The following STRA6 variants were observed in gnomAD, a reference collection of about 807,000 sequenced individuals.
The protein encoded by STRA6 is signaling receptor and transporter of retinol STRA6, also known as receptor for retinol uptake STRA6.
STRA6 carries 48 observed loss-of-function variants against 83.6 expected under a neutral mutation model. That is an observed-to-expected ratio of 0.57 (90% CI 0.46 to 0.73). The LOEUF is 0.73. Among genes scored for constraint, STRA6 ranks in the 30% least tolerant of loss-of-function variants. The pLI is 0.00. For missense variants in STRA6, 760 were observed against 838.8 expected, an observed-to-expected ratio of 0.91 and a Z score of 1.16; for synonymous variants, 353 against 362.3, an observed-to-expected ratio of 0.97 and a Z score of 0.29.
At chr15:74,211,612 C>T (rs2074369786), upstream of STRA6, among the ~76,000 whole-genome samples, 1 of 152,088 alleles carries the variant, frequency 6.6e-6, no homozygotes. Flanking sequence ...CCATGTTGGT[C>T]AGGCTGGTCT....
intron 14 of STRA6, chr15:74,183,552 A>T: frequency 4.9e-6 from 6 of 1,235,530 alleles, no homozygotes; most frequent in Non-Finnish European, 6.2e-6. Context: ...CCAGGAATGT[A>T]CCATTTTGAA....
upstream of STRA6, chr15:74,209,669 G>A: frequency 1.8e-6 from 1 of 546,448 alleles, no homozygotes; most frequent in African/African-American, 1.9e-5. Context: ...CTCCAACGCT[G>A]CTGGACAGTC....
chr15:74,185,097 G>A (rs1028629409), intron 12 of STRA6, 42 bp from the exon 13 acceptor site: 1 of 1,603,162 alleles, frequency 6.2e-7, no homozygotes, highest in Non-Finnish European at 8.5e-7. Flanking sequence ...TCAGGGTCTG[G>A]AGAGTCTCCT....
In STRA6 at chr15:74,194,792, G is replaced by A. The variant is rs2142048275; in HGVS notation, c.597+510C>T. ...AGCTGGATTCACACTCAGGTTGTCT[G>A]GCTCTAAAGCCTGTACCATCACTCT... is the stretch of plus-strand genomic sequence containing the variant. On this transcript the variant is annotated intron_variant, in intron 7 of 18. Transcript: ENST00000395105. 3.1e-6 allele frequency: 4 copies of A among 1,277,586 alleles called. No individual in the cohort carries two copies. The South Asian group carries it at 1.0e-4, about 33-fold the overall frequency. The allele number at this position is 1,277,586 out of a possible 1,614,324, so 79.1% of individuals were successfully genotyped here. A position where few individuals can be genotyped will look rare whatever the true frequency, so the allele number is the denominator to read the frequency against.
upstream of STRA6, chr15:74,203,097 G>C: frequency 2.0e-6 from 2 of 985,564 alleles, no homozygotes; most frequent in Non-Finnish European, 2.4e-6. Context: ...AGCAACAACC[G>C]AGTGAGACGG....
At chr15:74,210,877 G>C (rs2074357269), upstream of STRA6, among the ~76,000 whole-genome samples, 1 of 152,124 alleles carries the variant, frequency 6.6e-6, no homozygotes, top group Non-Finnish European at 1.5e-5. Flanking sequence ...CTTCTAGCTG[G>C]GTGAAAAACA....
upstream of STRA6, among the ~76,000 whole-genome samples, chr15:74,203,915 G>T (rs1247410174): frequency 6.6e-6 from 1 of 152,106 alleles, no homozygotes; most frequent in Admixed American, 6.5e-5. Context: ...GGGGATGGGG[G>T]TGGGGGAAAG....
intron 1 of STRA6, chr15:74,208,692 C>G: frequency 1.0e-6 from 1 of 986,702 alleles, no homozygotes. Flanking sequence ...CTTCCTGCCC[C>G]TAGGCTCTGA....
chr15:74,183,695 G>T (rs2073101413), intron 14 of STRA6, 161 bp downstream of exon 14: 9 of 1,570,914 alleles, frequency 5.7e-6, no homozygotes, highest in Non-Finnish European at 7.7e-6. Context: ...CTTCTTAAGG[G>T]CAGGGAAGGC....
chr15:74,192,421 G>A (rs2073593579), intron 8 of STRA6, among the ~76,000 whole-genome samples: 2 of 152,196 alleles, frequency 1.3e-5, no homozygotes, highest in Non-Finnish European at 2.9e-5. Context: ...TGGGAGCCGA[G>A]TCTGGAGTCC....
At chr15:74,208,953 A>T (rs1241798683) in exon 1 of STRA6, 1 of 1,001,978 alleles carries the variant, frequency 1.0e-6, no homozygotes, top group African/African-American at 1.7e-5. Context: ...GGGATCCTAG[A>T]GGGGTGGCTG....
chr15:74,206,750 T>C (rs1476695168), upstream of STRA6, among the ~76,000 whole-genome samples: 1 of 152,190 alleles, frequency 6.6e-6, no homozygotes, highest in Non-Finnish European at 1.5e-5. Flanking sequence ...CAAGAATGAA[T>C]TGACACGTGT....
chr15:74,203,236 C>G (rs2074166472), upstream of STRA6: 6 of 984,188 alleles, frequency 6.1e-6, no homozygotes, highest in Non-Finnish European at 7.2e-6. Flanking sequence ...GTTGATTTCA[C>G]AAGGAGATAA....
At chr15:74,198,029 C>T (rs2073900523) in intron 2 of STRA6, among the ~76,000 whole-genome samples, 2 of 152,232 alleles carry the variant, frequency 1.3e-5, no homozygotes, top group Middle Eastern at 6.8e-3. Context: ...ATGCCAAGCT[C>T]TGGGGTTATA....
chr15:74,196,306 G>T lies in STRA6; in HGVS notation c.267-159C>A, dbSNP rs192681325. On this transcript the variant is annotated intron_variant, in intron 4 of 18. Coordinates refer to ENST00000395105, the MANE Select transcript of STRA6 (RefSeq NM_022369.4). The stretch of plus-strand genomic sequence containing the variant: ...TTCATTCATTCCATAGATATTTGTG[G>T]AGTGCCTCTTATCTACCAAGCTCTG... 40 of 1,200,308 alleles carry T rather than the reference G, an allele frequency of 3.3e-5. No individual in the cohort carries two copies. The East Asian group carries it at 1.0e-3, about 30-fold the overall frequency. 74.4% of individuals were successfully genotyped at this position (1,200,308 alleles called of 1,614,324 possible). A position where few individuals can be genotyped will look rare whatever the true frequency, so the allele number is the denominator to read the frequency against.
rs1457702823 is a variant in STRA6, at chr15:74,189,488, A to G, written c.928-211T>C. 2.0e-5 allele frequency among the ~76,000 whole-genome samples: 3 copies of G among 152,212 alleles called. No homozygotes were observed. The East Asian group carries it at 5.8e-4, about 29-fold the overall frequency. On this transcript the variant is annotated intron_variant, in intron 11 of 18. Coordinates refer to ENST00000395105, the MANE Select transcript of STRA6 (RefSeq NM_022369.4). ...AATCACAGCCTAATAGGCCAAAGGC[A>G]TGCCTTCGAGCACCGTAACTTCATA...
upstream of STRA6, among the ~76,000 whole-genome samples, chr15:74,211,152 C>G (rs960789267): frequency 4.4e-5 from 1 of 22,530 alleles, no homozygotes; most frequent in Non-Finnish European, 1.5e-4. Flanking sequence ...CGCACGCACA[C>G]GCACACACAC....
In STRA6 at chr15:74,193,687, A is replaced by G. The variant is rs1020040751; in HGVS notation, c.720+113T>C. On this transcript the variant is annotated intron_variant, in intron 8 of 18. Transcript: ENST00000395105. ...CTCAGCAAACATTTTCTGAGCATCT[A>G]TTCTGTGCTGGGCCCTACATCAAGC... 11 of 1,546,706 alleles carry G rather than the reference A, an allele frequency of 7.1e-6. No individual in the cohort carries two copies. In the East Asian group the frequency reaches 1.8e-4, roughly 26 times the overall value.
upstream of STRA6, among the ~76,000 whole-genome samples, chr15:74,204,951 A>AGAAAG (rs1366455808): frequency 1.3e-5 from 2 of 152,162 alleles, no homozygotes; most frequent in African/African-American, 4.8e-5. Flanking sequence ...AAAGAAAGAA[A>AGAAAG]GAAAGAAAAG....
Sources: allele counts gnomAD v4.1 joint callset (sites outside exome capture counted in the v4.1 genomes callset), GRCh38; gene constraint gnomAD v4.1.1; transcripts MANE v1.5; gene names NCBI Gene and HGNC (gene_info 2026-07-23, HGNC 2026-07-21).